The following TAOK1 variants were observed in gnomAD, a reference collection of about 807,000 sequenced individuals.
TAOK1 encodes the protein TAO kinase 1.
A neutral mutation model predicts 138.3 loss-of-function variants in TAOK1; 21 were observed. That is an observed-to-expected ratio of 0.15 (90% confidence interval 0.11 to 0.22). The LOEUF (loss-of-function observed/expected upper bound fraction) is 0.22. Among genes scored for constraint, TAOK1 ranks in the 10% least tolerant of loss-of-function variants. The pLI is 1.00. For synonymous variants in TAOK1, 361 were observed against 398.4 expected (o/e 0.91, Z 1.12); for missense variants, 651 against 1,227.7 (o/e 0.53, Z 7.02).
chr17:29,491,893 AT>A (rs2031302660), intron 10 of TAOK1, 28 bp downstream of exon 10: 1 of 1,546,072 alleles, frequency 6.5e-7, no homozygotes, highest in South Asian at 1.1e-5. Flanking sequence ...TTATTTATTT[AT>A]TTTATTTTAA....
At chr17:29,540,366 G>C (rs200229151) in intron 19 of TAOK1, among the ~76,000 whole-genome samples, 2 of 151,698 alleles carry the variant, frequency 1.3e-5, no homozygotes, top group African/African-American at 2.4e-5. Flanking sequence ...TTGTTTGTTT[G>C]TTTGTTTGTT....
At chr17:29,431,464 AC>A (rs1905829007) in intron 1 of TAOK1, among the ~76,000 whole-genome samples, 1 of 151,874 alleles carries the variant, frequency 6.6e-6, no homozygotes, top group African/African-American at 2.4e-5. Context: ...TTAAAAAAAA[AC>A]CTTAGGTTTT....
At chr17:29,538,573 C>A (rs949908113) in intron 19 of TAOK1, among the ~76,000 whole-genome samples, 4 of 152,150 alleles carry the variant, frequency 2.6e-5, no homozygotes, top group African/African-American at 9.7e-5. Flanking sequence ...GCACTTTATG[C>A]TTGCCGGTTG....
intron 19 of TAOK1, among the ~76,000 whole-genome samples, chr17:29,540,722 C>T (rs2032301643): frequency 6.6e-6 from 1 of 152,224 alleles, no homozygotes; most frequent in Admixed American, 6.5e-5. Flanking sequence ...AGGCATGTGC[C>T]ACCACGCCCG....
intron 14 of TAOK1, among the ~76,000 whole-genome samples, chr17:29,509,478 A>G (rs2031680583): frequency 6.6e-6 from 1 of 152,124 alleles, no homozygotes; most frequent in Non-Finnish European, 1.5e-5. Flanking sequence ...CTGGGATTAT[A>G]GATGTGAGCC....
At chr17:29,401,644 T>C (rs1904845929) in intron 1 of TAOK1, among the ~76,000 whole-genome samples, 1 of 141,220 alleles carries the variant, frequency 7.1e-6, no homozygotes, top group Non-Finnish European at 1.5e-5. Context: ...CCAAACCATA[T>C]CACTTTCTTT....
chr17:29,416,285 A>T (rs1397130638), intron 1 of TAOK1, among the ~76,000 whole-genome samples: 1 of 152,050 alleles, frequency 6.6e-6, no homozygotes, highest in Non-Finnish European at 1.5e-5. Flanking sequence ...AAGATTATGT[A>T]TAGGGATTTT....
intron 2 of TAOK1, 155 bp downstream of exon 2, chr17:29,451,835 T>G: frequency 1.5e-6 from 1 of 675,094 alleles, no homozygotes; most frequent in East Asian, 2.8e-5. Flanking sequence ...AGAGCGTGGG[T>G]GAGTGTGTGT....
intron 8 of TAOK1, among the ~76,000 whole-genome samples, chr17:29,485,114 G>A (rs1389705659): frequency 1.3e-5 from 2 of 152,022 alleles, no homozygotes; most frequent in Non-Finnish European, 2.9e-5. Flanking sequence ...AAATTACTTG[G>A]TTATGTCTTA....
chr17:29,520,587 G>A (rs1205851875), intron 16 of TAOK1, among the ~76,000 whole-genome samples: 2 of 151,810 alleles, frequency 1.3e-5, no homozygotes, highest in African/African-American at 4.8e-5. Flanking sequence ...GTTAATCTTT[G>A]TATTTTTAAT....
At chr17:29,527,546 T>G (rs1460337430) in intron 17 of TAOK1, among the ~76,000 whole-genome samples, 1 of 152,112 alleles carries the variant, frequency 6.6e-6, no homozygotes, top group African/African-American at 2.4e-5. Context: ...CCTCACAAAA[T>G]AAAGACATAT....
chr17:29,517,103 C>T (rs908622698), intron 15 of TAOK1, among the ~76,000 whole-genome samples: 6 of 152,064 alleles, frequency 3.9e-5, no homozygotes, highest in Non-Finnish European at 5.9e-5. Flanking sequence ...TCTCCTGCCT[C>T]AGCCTCCCAA....
intron 19 of TAOK1, among the ~76,000 whole-genome samples, chr17:29,540,733 G>T (rs2032302183): frequency 6.6e-6 from 1 of 152,112 alleles, no homozygotes; most frequent in African/African-American, 2.4e-5. Context: ...ACCACGCCCG[G>T]CTAATTTTGT....
intron 17 of TAOK1, among the ~76,000 whole-genome samples, chr17:29,527,057 C>T (rs545891173): frequency 1.3e-5 from 2 of 152,004 alleles, no homozygotes; most frequent in African/African-American, 2.4e-5. Context: ...ACCACGGAGT[C>T]GGAGGTTGCA....
At chr17:29,493,306 G>GCGTC (rs1286161345) in intron 10 of TAOK1, among the ~76,000 whole-genome samples, 1 of 151,928 alleles carries the variant, frequency 6.6e-6, no homozygotes, top group Non-Finnish European at 1.5e-5. Flanking sequence ...ACCAGCCTGA[G>GCGTC]CAACGTGGAG....
chr17:29,497,925 A>C (rs545793074), intron 11 of TAOK1, among the ~76,000 whole-genome samples: 1 of 150,956 alleles, frequency 6.6e-6, no homozygotes, highest in South Asian at 2.1e-4. Flanking sequence ...TTTTTTTTTT[A>C]AAAGGAGAGA....
chr17:29,516,376 G>A (rs370147990), intron 15 of TAOK1, among the ~76,000 whole-genome samples: 4 of 150,504 alleles, frequency 2.7e-5, no homozygotes, highest in Admixed American at 6.6e-5. Flanking sequence ...ACTCTGTCAC[G>A]CAGGCTGGAG....
chr17:29,464,639 G>C (rs1051059679), intron 2 of TAOK1, among the ~76,000 whole-genome samples: 4 of 151,960 alleles, frequency 2.6e-5, no homozygotes, highest in African/African-American at 9.7e-5. Context: ...CTCACAGGTA[G>C]GTGAGTAGAG....
chr17:29,442,204 C>T (rs1476834239), intron 1 of TAOK1, among the ~76,000 whole-genome samples: 1 of 151,826 alleles, frequency 6.6e-6, no homozygotes, highest in Non-Finnish European at 1.5e-5. Context: ...TGACACCACA[C>T]GCAGCTAATT....
Sources: gnomAD v4.1 joint callset for allele counts (sites outside exome capture counted in the v4.1 genomes callset) on GRCh38, gnomAD v4.1.1 for gene constraint, MANE v1.5 for transcripts, NCBI Gene and HGNC (gene_info 2026-07-23, HGNC 2026-07-21) for gene names.